The following MCF2L2 variants were observed in gnomAD, a reference collection of about 807,000 sequenced individuals.
MCF2L2 encodes probable guanine nucleotide exchange factor MCF2L2.
A neutral mutation model predicts 150.2 loss-of-function variants in MCF2L2; 102 were observed. That is an observed-to-expected ratio of 0.68 (90% CI 0.58 to 0.80). The LOEUF is 0.80. Ranked by LOEUF, MCF2L2 falls within the 30% of genes least tolerant of loss-of-function variation. MCF2L2 has a pLI of 0.00. For synonymous variants in MCF2L2, 465 were observed against 491.3 expected (o/e 0.95, Z 0.71); for missense variants, 1,256 against 1,372.8 (o/e 0.91, Z 1.34).
In MCF2L2 at chr3:183,283,084, T is replaced by G. The variant is rs1417078072; in HGVS notation, c.1776+6036A>C. 6.6e-6 allele frequency among the ~76,000 whole-genome samples: 1 copy of G among 152,226 alleles called. No homozygotes were observed. Among genetic ancestry groups the G allele is most frequent in the Non-Finnish European group, 1.5e-5 (1 of 68,040 alleles). Reference sequence around the variant, plus strand: ...GTCAAAACTATCTTTGGTATCATGCTTCCTCCCCCTACCTTCTCTGCCTTG... The same window carrying G: ...GTCAAAACTATCTTTGGTATCATGCGTCCTCCCCCTACCTTCTCTGCCTTG... On this transcript the variant is annotated intron_variant, in intron 14 of 29. Coordinates refer to ENST00000328913, the MANE Select transcript of MCF2L2 (RefSeq NM_015078.4). This position sits in a 1 kb window ranked among gnomAD's most constrained non-coding sequence, Gnocchi z 4.2.
intron 18 of MCF2L2, chr3:183,224,508 C>T (rs769959734): frequency 1.9e-5 from 4 of 216,176 alleles, no homozygotes; most frequent in Non-Finnish European, 3.8e-5. Flanking sequence ...TGCCCTTTGT[C>T]CAGGACATCG....
At chr3:183,408,092 T>C (rs777336270) in intron 1 of MCF2L2, among the ~76,000 whole-genome samples, 5 of 149,736 alleles carry the variant, frequency 3.3e-5, no homozygotes, top group Non-Finnish European at 5.9e-5. Context: ...TCTCCCATCT[T>C]CGGAAAATTA....
intron 5 of MCF2L2, among the ~76,000 whole-genome samples, chr3:183,324,431 C>T (rs1729942420): frequency 1.3e-5 from 2 of 152,174 alleles, no homozygotes; most frequent in Non-Finnish European, 2.9e-5. Context: ...TCTTTGAAGC[C>T]TTTAACTATG....
chr3:183,263,981 C>T (rs1345572293), intron 15 of MCF2L2, among the ~76,000 whole-genome samples: 1 of 152,148 alleles, frequency 6.6e-6, no homozygotes, highest in East Asian at 1.9e-4. Flanking sequence ...AGTGTGAGCC[C>T]TTGAGAAACC....
chr3:183,200,895 TC>T (rs1722256147), intron 25 of MCF2L2, among the ~76,000 whole-genome samples: 1 of 152,184 alleles, frequency 6.6e-6, no homozygotes, highest in South Asian at 2.1e-4. Context: ...TTTCCCTATT[TC>T]TTGTTTTTGT....
At chr3:183,367,177 C>T (rs1384901371) in intron 3 of MCF2L2, among the ~76,000 whole-genome samples, 4 of 151,912 alleles carry the variant, frequency 2.6e-5, no homozygotes, top group Non-Finnish European at 4.4e-5. Context: ...TAATGTACAT[C>T]ACAGAATGCA....
intron 21 of MCF2L2, among the ~76,000 whole-genome samples, chr3:183,218,983 C>T (rs2108659399): frequency 6.6e-6 from 1 of 152,290 alleles, no homozygotes; most frequent in Admixed American, 6.5e-5. Context: ...CCCCATAAGA[C>T]ATGTCTCAAG....
chr3:183,246,138 G>A (rs1724241875), intron 15 of MCF2L2, among the ~76,000 whole-genome samples: 1 of 152,126 alleles, frequency 6.6e-6, no homozygotes, highest in Non-Finnish European at 1.5e-5. Context: ...AGTTAATAAT[G>A]CTTGCATTTG....
intron 27 of MCF2L2, 112 bp from the exon 28 acceptor site, chr3:183,180,271 C>CT: frequency 1.4e-6 from 1 of 721,636 alleles, no homozygotes; most frequent in Admixed American, 2.1e-5. Flanking sequence ...CTCCCCATCT[C>CT]TAACTCCTGC....
chr3:183,224,473 G>T, intron 18 of MCF2L2: 1 of 283,312 alleles, frequency 3.5e-6, no homozygotes, highest in South Asian at 7.7e-5. Context: ...ACAGGAATTG[G>T]TTTTTATCTT....
chr3:183,402,460 A>G (rs1364693017), intron 1 of MCF2L2, among the ~76,000 whole-genome samples: 152 of 149,406 alleles, frequency 1.0e-3, no homozygotes, highest in African/African-American at 3.7e-3. Flanking sequence ...TCAAAAAAAA[A>G]AAAAAAAAAA....
intron 5 of MCF2L2, among the ~76,000 whole-genome samples, chr3:183,335,687 G>A (rs1730448970): frequency 6.9e-6 from 1 of 145,652 alleles, no homozygotes; most frequent in Non-Finnish European, 1.5e-5. Flanking sequence ...GGGCAACACA[G>A]CAAAACCCCC....
chr3:183,408,561 C>A (rs1327403786), intron 1 of MCF2L2, among the ~76,000 whole-genome samples: 1 of 152,202 alleles, frequency 6.6e-6, no homozygotes, highest in Admixed American at 6.5e-5. Flanking sequence ...TGCCCAGCTC[C>A]CGCAGGCCTT....
At chr3:183,238,109 C>A (rs893336008) in intron 15 of MCF2L2, among the ~76,000 whole-genome samples, 1 of 151,702 alleles carries the variant, frequency 6.6e-6, no homozygotes, top group African/African-American at 2.4e-5. Context: ...CTGAGGAGAG[C>A]TTTACTTCCA....
chr3:183,357,125 C>T (rs1380825395), intron 3 of MCF2L2, among the ~76,000 whole-genome samples: 2 of 152,076 alleles, frequency 1.3e-5, no homozygotes, highest in Non-Finnish European at 1.5e-5. Context: ...AACAGAGGGA[C>T]TTCTGGGTAG....
chr3:183,360,996 A>AAG (rs1213781075), intron 3 of MCF2L2, among the ~76,000 whole-genome samples: 30 of 132,584 alleles, frequency 2.3e-4, no homozygotes, highest in African/African-American at 4.0e-4. Context: ...AAGAAAAGAA[A>AAG]AGAAAAGAAA....
intron 3 of MCF2L2, among the ~76,000 whole-genome samples, chr3:183,356,714 C>T (rs1021873994): frequency 1.5e-4 from 23 of 151,986 alleles, no homozygotes; most frequent in Non-Finnish European, 2.9e-4. Context: ...TACAACATAA[C>T]CCTTCAAAAA....
At chr3:183,349,946 G>C (rs1406153672) in intron 3 of MCF2L2, among the ~76,000 whole-genome samples, 1 of 152,042 alleles carries the variant, frequency 6.6e-6, no homozygotes, top group Non-Finnish European at 1.5e-5. Flanking sequence ...TCTTAAACAA[G>C]GTGAAGCTGG....
intron 15 of MCF2L2, among the ~76,000 whole-genome samples, chr3:183,243,749 A>G (rs140631235): frequency 6.6e-6 from 1 of 152,328 alleles, no homozygotes; most frequent in African/African-American, 2.4e-5. Context: ...AAGTGTTTGA[A>G]CAGTTCGTGC....
Sources: gnomAD v4.1 joint callset for allele counts (sites outside exome capture counted in the v4.1 genomes callset) on GRCh38, gnomAD v4.1.1 for gene constraint, Gnocchi (gnomAD v3.1) non-coding constraint, MANE v1.5 for transcripts, NCBI Gene and HGNC (gene_info 2026-07-23, HGNC 2026-07-21) for gene names.